ISM2: variants seen among roughly 807,000 people sequenced by gnomAD.
ISM2 encodes isthmin 2.
Under a neutral mutation model 58.0 loss-of-function variants are expected in ISM2, and 50 were observed. That is an observed-to-expected ratio of 0.86 (90% CI 0.69 to 1.09). The LOEUF (loss-of-function observed/expected upper bound fraction) is 1.09. ISM2 is among the 50% of genes least tolerant of loss of function. The probability of loss-of-function intolerance (pLI) is 0.00; values close to 1 mark genes in which losing one functional copy is unlikely to be tolerated. For synonymous variants in ISM2, 303 were observed against 312.4 expected (o/e 0.97, Z 0.32); for missense variants, 723 against 745.0 (o/e 0.97, Z 0.34).
At chr14:77,498,112 C>A in intron 1 of ISM2, 1 of 416,826 alleles carries the variant, frequency 2.4e-6, no homozygotes, top group Non-Finnish European at 4.1e-6. Context: ...CTGTTTTATA[C>A]CCCAATGCCC....
chr14:77,484,253 T>A (rs1291229927), intron 3 of ISM2, 70 bp downstream of exon 3: 1 of 1,564,020 alleles, frequency 6.4e-7, no homozygotes, highest in African/African-American at 1.4e-5. Context: ...TAGGGTATCC[T>A]GAGCCCACCT....
chr14:77,498,529 C>T, intron 1 of ISM2, 124 bp downstream of exon 1: 3 of 1,351,662 alleles, frequency 2.2e-6, no homozygotes, highest in African/African-American at 1.5e-5. Context: ...GCCCCGGCCC[C>T]TCTCTCCATC....
intron 4 of ISM2, among the ~76,000 whole-genome samples, chr14:77,478,973 C>G (rs549775335): frequency 6.6e-6 from 1 of 152,324 alleles, no homozygotes; most frequent in South Asian, 2.1e-4. Context: ...TGTGTCAACA[C>G]AGTATAAAGA....
chr14:77,498,722 C>A lies in ISM2; in HGVS notation c.72G>T (p.Ala24=). ...GCGGCTTCTTCACGGGGAGCCCTAG[C>A]GCCGCCTCCAGCAGCGCCGCCAGCA... is the stretch of plus-strand genomic sequence containing the variant. The part of the protein sequence containing the change: ...VLLLAALLEA[A]LGLPVKKPRL... The change falls in exon 1 of 7, where the codon GCG becomes GCT. Residue 24 remains alanine (A), a synonymous_variant. Transcript: ENST00000342219. 1 of 1,483,850 alleles carries A rather than the reference C, an allele frequency of 6.7e-7. No homozygotes were observed. The highest frequency in any genetic ancestry group is 8.9e-7 in the Non-Finnish European group (1 of 1,125,544). The allele number at this position is 1,483,850 out of a possible 1,614,324, so 91.9% of individuals were successfully genotyped here.
At chr14:77,482,301 T>C (rs780962475) in intron 4 of ISM2, 21 bp downstream of exon 4, 2 of 1,586,144 alleles carry the variant, frequency 1.3e-6, no homozygotes, top group South Asian at 2.3e-5. Context: ...AGCCTGGGGA[T>C]GCCAAGATGG....
intron 1 of ISM2, chr14:77,498,274 G>C: frequency 1.5e-6 from 2 of 1,315,890 alleles, no homozygotes; most frequent in Non-Finnish European, 2.0e-6. Context: ...CAAAGCGCCA[G>C]ATTCCTCGCA....
At chr14:77,497,411 A>C in intron 1 of ISM2, among the ~76,000 whole-genome samples, 2 of 145,550 alleles carry the variant, frequency 1.4e-5, no homozygotes, top group Non-Finnish European at 3.0e-5. Context: ...ATGGCTGGGC[A>C]CCATGGCTCA....
chr14:77,478,146 G>A lies in ISM2; in HGVS notation c.1198+96C>T, dbSNP rs1446938222. On this transcript the variant is annotated intron_variant, in intron 6 of 6. Transcript: ENST00000342219. ...ATGGAAGCTGTGCTCTCTGCCTAGTGGAAAGAAGCCAGGTTCCTGCCATGG... is the reference window on the plus strand; with the variant it reads ...ATGGAAGCTGTGCTCTCTGCCTAGTAGAAAGAAGCCAGGTTCCTGCCATGG... The A allele has an allele frequency of 1.4e-4, 141 of 1,014,716 alleles. 2 individuals carry two copies. The South Asian group carries it at 1.4e-3, about 10-fold the overall frequency. The allele number at this position is 1,014,716 out of a possible 1,614,324, so 62.9% of individuals were successfully genotyped here. A position where few individuals can be genotyped will look rare whatever the true frequency, so the allele number is the denominator to read the frequency against.
rs1359169864 is a variant in ISM2, at chr14:77,490,929, G to A, written c.142-6010C>T. Among the ~76,000 whole-genome samples, 21 of 152,230 alleles carry A rather than the reference G, an allele frequency of 1.4e-4. 1 individual carries two copies. On this transcript the variant is annotated intron_variant, in intron 1 of 6. Coordinates refer to ENST00000342219, the MANE Select transcript of ISM2 (RefSeq NM_199296.3). ...GGTCCAGGAAGGTGGCCAGCTGCAGGAGAAGGCTAGCAGGTGAGGCCACAG... is the reference window on the plus strand; with the variant it reads ...GGTCCAGGAAGGTGGCCAGCTGCAGAAGAAGGCTAGCAGGTGAGGCCACAG...
chr14:77,492,037 G>C (rs1309322689), intron 1 of ISM2, among the ~76,000 whole-genome samples: 3 of 150,228 alleles, frequency 2.0e-5, no homozygotes, highest in Admixed American at 1.3e-4. Context: ...GTCTCACTCT[G>C]TAGTCCAGGC....
intron 4 of ISM2, 72 bp from the exon 5 acceptor site, chr14:77,478,787 GCA>G: frequency 6.6e-7 from 1 of 1,504,098 alleles, no homozygotes; most frequent in Non-Finnish European, 9.2e-7. Context: ...TCAGCACAGG[GCA>G]CCCTTTCCTC....
chr14:77,496,021 T>G (rs921354617), intron 1 of ISM2, among the ~76,000 whole-genome samples: 1 of 151,920 alleles, frequency 6.6e-6, no homozygotes, highest in Non-Finnish European at 1.5e-5. Flanking sequence ...GAGACCAGCC[T>G]GGTCAACATG....
chr14:77,487,501 C>G (rs1031350540), intron 1 of ISM2, among the ~76,000 whole-genome samples: 3 of 152,182 alleles, frequency 2.0e-5, no homozygotes, highest in Non-Finnish European at 4.4e-5. Context: ...ACCCACTCCT[C>G]TCCCTGGTGC....
intron 5 of ISM2, 116 bp from the exon 6 acceptor site, chr14:77,478,441 GGGACAAGGCA>G: frequency 7.0e-7 from 1 of 1,430,138 alleles, no homozygotes; most frequent in African/African-American, 1.4e-5. Context: ...AAATAGGCCT[GGGACAAGGCA>G]GGACCACCAT....
At chr14:77,479,766 T>C (rs1441294289) in intron 4 of ISM2, among the ~76,000 whole-genome samples, 1 of 151,916 alleles carries the variant, frequency 6.6e-6, no homozygotes, top group Non-Finnish European at 1.5e-5. Flanking sequence ...CCGCCTGCCT[T>C]GGCCTCCCAA....
chr14:77,483,636 G>A (rs1288949574), intron 3 of ISM2, among the ~76,000 whole-genome samples: 4 of 151,066 alleles, frequency 2.6e-5, no homozygotes, highest in East Asian at 3.9e-4. Context: ...GTGCGTGTGC[G>A]TGTGTGCGTG....
At chr14:77,492,282 C>A (rs1421200357) in intron 1 of ISM2, among the ~76,000 whole-genome samples, 1 of 152,150 alleles carries the variant, frequency 6.6e-6, no homozygotes, top group Non-Finnish European at 1.5e-5. Flanking sequence ...GGTTTAGGTG[C>A]CCAGGGGCTC....
In ISM2 at chr14:77,475,006, T is replaced by G. The variant is rs2079087420; in HGVS notation, c.*589A>C. ...AGTTGGTGTCCAACAGAAAGGCAGC[T>G]TGGGGCTACAGATAGCCTCCTGTGC... On this transcript the variant is annotated 3_prime_UTR_variant, in exon 7 of 7. Transcript: ENST00000342219. This position sits in a 1 kb window ranked among gnomAD's most constrained non-coding sequence, Gnocchi z 4.1. The G allele has an allele frequency of 6.6e-6, 1 of 152,308 alleles. No homozygotes were observed. The highest frequency in any genetic ancestry group is 2.1e-4 in the South Asian group (1 of 4,838). 9.4% of individuals were successfully genotyped at this position (152,308 alleles called of 1,614,324 possible).
chr14:77,491,766 G>A (rs1424591654), intron 1 of ISM2, among the ~76,000 whole-genome samples: 2 of 142,026 alleles, frequency 1.4e-5, no homozygotes, highest in East Asian at 2.1e-4. Flanking sequence ...GCACAATCTC[G>A]GCTCACTGCA....
Sources: gnomAD v4.1 joint callset for allele counts (sites outside exome capture counted in the v4.1 genomes callset) on GRCh38, gnomAD v4.1.1 for gene constraint, Gnocchi (gnomAD v3.1) non-coding constraint, MANE v1.5 for transcripts, NCBI Gene and HGNC (gene_info 2026-07-23, HGNC 2026-07-21) for gene names.